UHRF2: variants seen among roughly 807,000 people sequenced by gnomAD.
The protein encoded by UHRF2 is ubiquitin like with PHD and ring finger domains 2.
In UHRF2, 23 loss-of-function variants were observed where a neutral mutation model predicts 96.8. That is an observed-to-expected ratio of 0.24 (90% CI 0.17 to 0.34). The LOEUF (loss-of-function observed/expected upper bound fraction) is 0.34. Among genes scored for constraint, UHRF2 ranks in the 10% least tolerant of loss-of-function variants. The probability of loss-of-function intolerance (pLI) is 1.00; values close to 1 mark genes in which losing one functional copy is unlikely to be tolerated. For missense variants in UHRF2, 685 were observed against 981.5 expected, an observed-to-expected ratio of 0.70 and a Z score of 4.04; for synonymous variants, 385 against 332.6, an observed-to-expected ratio of 1.16 and a Z score of -1.72.
intron 3 of UHRF2, among the ~76,000 whole-genome samples, chr9:6,455,836 T>C (rs28599170): frequency 0.019 from 2,949 of 152,070 alleles, 91 homozygotes; most frequent in African/African-American, 0.066. Flanking sequence ...GTTTTAAAAC[T>C]AGCCAGGCAT....
At chr9:6,496,224 C>T (rs1027960068) in intron 10 of UHRF2, 2 of 152,092 alleles carry the variant, frequency 1.3e-5, no homozygotes, top group African/African-American at 4.8e-5. Flanking sequence ...TATCTGCTTT[C>T]ACCAGATTGG....
intron 15 of UHRF2, among the ~76,000 whole-genome samples, chr9:6,504,902 A>T (rs900240851): frequency 3.9e-5 from 6 of 152,188 alleles, no homozygotes; most frequent in Non-Finnish European, 8.8e-5. Context: ...GAGATATTCT[A>T]TCATGTTTGG....
At chr9:6,459,402 C>T (rs1386913001) in intron 3 of UHRF2, among the ~76,000 whole-genome samples, 2 of 152,312 alleles carry the variant, frequency 1.3e-5, no homozygotes, top group East Asian at 3.9e-4. Flanking sequence ...GGTGCGGTGG[C>T]TCATGCCTGT....
chr9:6,418,225 T>C (rs1335611012), intron 1 of UHRF2, among the ~76,000 whole-genome samples: 1 of 151,956 alleles, frequency 6.6e-6, no homozygotes, highest in African/African-American at 2.4e-5. Flanking sequence ...GGGGTTTTTT[T>C]CCCTCCACGG....
chr9:6,505,092 G>T (rs1047890196), intron 15 of UHRF2, among the ~76,000 whole-genome samples: 1 of 152,104 alleles, frequency 6.6e-6, no homozygotes, highest in Non-Finnish European at 1.5e-5. Context: ...TCAGTGTGGT[G>T]TGAAAGGAAA....
intron 8 of UHRF2, 43 bp downstream of exon 8, chr9:6,482,142 A>G (rs770344293): frequency 2.8e-5 from 42 of 1,477,716 alleles, no homozygotes; most frequent in African/African-American, 4.2e-5. Flanking sequence ...AGAATTGGCT[A>G]TCAGATTATA....
At chr9:6,482,877 G>A (rs555844362) in intron 8 of UHRF2, among the ~76,000 whole-genome samples, 5 of 152,192 alleles carry the variant, frequency 3.3e-5, no homozygotes, top group South Asian at 4.1e-4. Context: ...GAGCCACTGC[G>A]CCCGGCCTGG....
chr9:6,473,238 T>C (rs531963333), intron 4 of UHRF2, among the ~76,000 whole-genome samples: 1 of 152,326 alleles, frequency 6.6e-6, no homozygotes, highest in East Asian at 1.9e-4. Flanking sequence ...AATTTGAACA[T>C]TGATAAGAAA....
intron 10 of UHRF2, chr9:6,496,441 AT>A (rs1824974055): frequency 6.6e-6 from 1 of 152,212 alleles, no homozygotes; most frequent in Non-Finnish European, 1.5e-5. Flanking sequence ...TAATAAGCTC[AT>A]TGATTTACTA....
chr9:6,413,711 C>T lies in UHRF2; in HGVS notation c.153+68C>T, dbSNP rs977422125. 5.7e-6 allele frequency: 8 copies of T among 1,401,272 alleles called. No homozygotes were observed. In the Admixed American group the frequency reaches 1.2e-4, roughly 21 times the overall value. 86.8% of individuals were successfully genotyped at this position (1,401,272 alleles called of 1,614,324 possible). A position where few individuals can be genotyped will look rare whatever the true frequency, so the allele number is the denominator to read the frequency against. On this transcript the variant is annotated intron_variant, in intron 1 of 15. Coordinates refer to ENST00000276893, the MANE Select transcript of UHRF2 (RefSeq NM_152896.3). ...AACAGCTGGGCTCCTCTGGACGCAC[C>T]GGTCCGAGGGCTCTGTGCGCCGCGC...
intron 3 of UHRF2, among the ~76,000 whole-genome samples, chr9:6,453,689 G>C (rs377210138): frequency 6.6e-6 from 1 of 152,240 alleles, no homozygotes; most frequent in East Asian, 1.9e-4. Flanking sequence ...CAGATCACGG[G>C]GTCAGGAGAT....
At chr9:6,495,755 T>G (rs890704338) in intron 10 of UHRF2, 3 of 152,178 alleles carry the variant, frequency 2.0e-5, no homozygotes, top group Non-Finnish European at 2.9e-5. Context: ...TTGAATAGCC[T>G]AATTATCTGA....
intron 13 of UHRF2, 42 bp downstream of exon 13, chr9:6,499,973 T>C (rs1825188956): frequency 3.0e-6 from 4 of 1,331,902 alleles, no homozygotes; most frequent in South Asian, 2.6e-5. Flanking sequence ...TAACATACTT[T>C]TGTTGTTGTT....
chr9:6,475,294 C>T (rs1022693656), intron 4 of UHRF2, 97 bp from the exon 5 acceptor site: 4 of 609,366 alleles, frequency 6.6e-6, no homozygotes, highest in South Asian at 3.9e-5. Flanking sequence ...TATAAATAGA[C>T]AGATTTCAGT....
intron 2 of UHRF2, among the ~76,000 whole-genome samples, chr9:6,427,766 C>G (rs1393315872): frequency 2.0e-5 from 3 of 152,144 alleles, no homozygotes; most frequent in Non-Finnish European, 1.5e-5. Flanking sequence ...CAATATTTAA[C>G]CAGTTTCAGA....
chr9:6,485,504 TC>T (rs1047075609), intron 8 of UHRF2, among the ~76,000 whole-genome samples: 4 of 151,494 alleles, frequency 2.6e-5, no homozygotes, highest in African/African-American at 9.7e-5. Context: ...GGTGGGGAGA[TC>T]AAATGGTACC....
At chr9:6,505,685 T>C (rs905107940) in intron 15 of UHRF2, among the ~76,000 whole-genome samples, 1 of 152,222 alleles carries the variant, frequency 6.6e-6, no homozygotes, top group Non-Finnish European at 1.5e-5. Context: ...ATCCAGATTT[T>C]TTTTCCCCCT....
intron 6 of UHRF2, among the ~76,000 whole-genome samples, chr9:6,478,891 G>T (rs918347015): frequency 2.0e-5 from 3 of 151,976 alleles, no homozygotes; most frequent in South Asian, 2.1e-4. Flanking sequence ...TTTTACCATC[G>T]CTAATAACTA....
intron 2 of UHRF2, among the ~76,000 whole-genome samples, chr9:6,421,608 G>C (rs185002661): frequency 2.6e-5 from 4 of 152,192 alleles, no homozygotes; most frequent in East Asian, 3.9e-4. Flanking sequence ...GTAGAAACAG[G>C]GTTTCACCAT....
Sources: allele counts gnomAD v4.1 joint callset (sites outside exome capture counted in the v4.1 genomes callset), GRCh38; gene constraint gnomAD v4.1.1; transcripts MANE v1.5; gene names NCBI Gene and HGNC (gene_info 2026-07-23, HGNC 2026-07-21).